ACACA: variants seen among roughly 807,000 people sequenced by gnomAD.
The protein encoded by ACACA is acetyl-CoA carboxylase 1.
In ACACA, 103 loss-of-function variants were observed where a neutral mutation model predicts 296.1. The observed-to-expected ratio is 0.35, with a 90% CI of 0.30 to 0.41. The LOEUF (loss-of-function observed/expected upper bound fraction) is 0.41, where lower values mean the gene tolerates loss of function less well. Among genes scored for constraint, ACACA ranks in the 10% least tolerant of loss-of-function variants. The pLI, the probability that ACACA is intolerant of heterozygous loss-of-function variation, is 1.00. For synonymous variants in ACACA, 953 were observed against 1,038.6 expected (o/e 0.92, Z 1.58); for missense variants, 1,554 against 2,989.7 (o/e 0.52, Z 11.20).
intron 30 of ACACA, among the ~76,000 whole-genome samples, chr17:37,208,899 A>G (rs546609598): frequency 1.3e-5 from 2 of 152,312 alleles, no homozygotes; most frequent in African/African-American, 4.8e-5. Context: ...ATCTCCTTGA[A>G]GTACACCACC....
chr17:37,134,934 T>A (rs2075269881), intron 45 of ACACA, among the ~76,000 whole-genome samples: 1 of 151,298 alleles, frequency 6.6e-6, no homozygotes, highest in Non-Finnish European at 1.5e-5. Context: ...AGAACAGATA[T>A]GAGAAAGAAT....
At chr17:37,142,332 T>C (rs1004403934) in intron 45 of ACACA, among the ~76,000 whole-genome samples, 8 of 152,194 alleles carry the variant, frequency 5.3e-5, no homozygotes, top group African/African-American at 1.9e-4. Context: ...GGCAGACTAA[T>C]AGAGTCAAAA....
intron 49 of ACACA, 41 bp from the exon 50 acceptor site, chr17:37,121,531 C>CT: frequency 6.2e-7 from 1 of 1,612,940 alleles, no homozygotes; most frequent in Non-Finnish European, 8.5e-7. Context: ...AACAACACAG[C>CT]TCCAGGGGGA....
intron 1 of ACACA, among the ~76,000 whole-genome samples, chr17:37,395,177 C>A (rs181171891): frequency 6.6e-6 from 1 of 152,146 alleles, no homozygotes; most frequent in Non-Finnish European, 1.5e-5. Flanking sequence ...TGCCTGTAAT[C>A]CTTGCATTTT....
intron 1 of ACACA, among the ~76,000 whole-genome samples, chr17:37,392,868 C>T (rs1277866119): frequency 6.6e-6 from 1 of 152,072 alleles, no homozygotes; most frequent in African/African-American, 2.4e-5. Flanking sequence ...TAGGGCCAGG[C>T]ATGGTGGCTC....
At position 37,192,037 on chromosome 17, in the gene ACACA, A is replaced by C. The variant is rs878914752; in HGVS notation, c.4416+53T>G. The C allele has an allele frequency of 3.9e-6, 6 of 1,553,206 alleles. No homozygotes were observed. The South Asian group carries it at 5.6e-5, about 14-fold the overall frequency. Reference sequence around the variant, plus strand: ...TAATACCTAATTTTGAATCATATCTATTATTCTGTCCCTTCCCTCAGGGAT... The same window carrying C: ...TAATACCTAATTTTGAATCATATCTCTTATTCTGTCCCTTCCCTCAGGGAT... On this transcript the variant is annotated intron_variant, in intron 37 of 55. Transcript: ENST00000616317.
chr17:37,206,415 G>A (rs2078504242), intron 32 of ACACA, among the ~76,000 whole-genome samples: 1 of 152,036 alleles, frequency 6.6e-6, no homozygotes, highest in Admixed American at 6.6e-5. Flanking sequence ...GTAATCTAAA[G>A]TCCTCCATTC....
chr17:37,394,976 A>G (rs893219191), intron 1 of ACACA, among the ~76,000 whole-genome samples: 1 of 151,920 alleles, frequency 6.6e-6, no homozygotes, highest in Non-Finnish European at 1.5e-5. Flanking sequence ...AAAAGTATAA[A>G]GAATAAAAGT....
At chr17:37,383,235 G>A (rs907045066) in intron 1 of ACACA, among the ~76,000 whole-genome samples, 4 of 152,166 alleles carry the variant, frequency 2.6e-5, no homozygotes, top group South Asian at 4.1e-4. Flanking sequence ...GGCATTGTGA[G>A]ACTTGGGGCA....
At chr17:37,289,346 T>TG in intron 3 of ACACA, 1 of 717,104 alleles carries the variant, frequency 1.4e-6, no homozygotes, top group East Asian at 5.6e-5. Context: ...TCAGTAAAGT[T>TG]GGCTTTTAAA....
intron 45 of ACACA, among the ~76,000 whole-genome samples, chr17:37,137,626 T>C (rs1040064181): frequency 2.6e-5 from 4 of 152,128 alleles, no homozygotes; most frequent in African/African-American, 7.2e-5. Context: ...ATAAGCAAAA[T>C]AAGTCTTTCA....
At chr17:37,119,589 AAC>A (rs71368443) in intron 50 of ACACA, among the ~76,000 whole-genome samples, 13,666 of 127,728 alleles carry the variant, frequency 0.11, 567 homozygotes, top group African/African-American at 0.13. Flanking sequence ...TTTTCAACCA[AAC>A]ACACACACAC....
intron 41 of ACACA, among the ~76,000 whole-genome samples, chr17:37,164,870 T>C (rs1417743637): frequency 6.6e-6 from 1 of 152,200 alleles, no homozygotes; most frequent in Non-Finnish European, 1.5e-5. Flanking sequence ...CTGAAGAATC[T>C]ACTTCAGCAT....
chr17:37,368,083 AC>A (rs1237038677), intron 1 of ACACA, among the ~76,000 whole-genome samples: 1 of 151,554 alleles, frequency 6.6e-6, no homozygotes. Flanking sequence ...AAACAAACAA[AC>A]AAAAAATTGT....
intron 48 of ACACA, among the ~76,000 whole-genome samples, chr17:37,124,421 G>C (rs574424213): frequency 3.9e-5 from 6 of 152,284 alleles, no homozygotes; most frequent in African/African-American, 1.4e-4. Context: ...CTTAACAAAG[G>C]TTTGGCTTTC....
intron 39 of ACACA, among the ~76,000 whole-genome samples, chr17:37,182,018 C>T (rs2077346308): frequency 6.7e-6 from 1 of 148,868 alleles, no homozygotes; most frequent in Non-Finnish European, 1.5e-5. Flanking sequence ...ATCTCATATA[C>T]TCAGAAATGA....
At chr17:37,349,984 T>A (rs901826600) in intron 1 of ACACA, among the ~76,000 whole-genome samples, 1 of 152,114 alleles carries the variant, frequency 6.6e-6, no homozygotes, top group South Asian at 2.1e-4. Flanking sequence ...CATCCTTGTA[T>A]GATGTGTGTG....
intron 11 of ACACA, among the ~76,000 whole-genome samples, chr17:37,262,000 G>A (rs893941180): frequency 4.0e-5 from 6 of 151,886 alleles, no homozygotes; most frequent in African/African-American, 9.7e-5. Context: ...ATAGAGATCC[G>A]GAATCACCTC....
intron 2 of ACACA, among the ~76,000 whole-genome samples, chr17:37,337,966 G>A (rs1006879790): frequency 6.6e-6 from 1 of 151,582 alleles, no homozygotes; most frequent in Non-Finnish European, 1.5e-5. Flanking sequence ...GCGTAGTGGC[G>A]GGCACCTGTA....
Sources: gnomAD v4.1 joint callset for allele counts (sites outside exome capture counted in the v4.1 genomes callset) on GRCh38, gnomAD v4.1.1 for gene constraint, MANE v1.5 for transcripts, NCBI Gene and HGNC (gene_info 2026-07-23, HGNC 2026-07-21) for gene names.